NOX4: variants seen among roughly 807,000 people sequenced by gnomAD.
The protein encoded by NOX4 is NADPH oxidase 4.
Under a neutral mutation model 87.6 loss-of-function variants are expected in NOX4, and 69 were observed. The observed-to-expected ratio is 0.79, with a 90% CI of 0.65 to 0.96. The LOEUF (loss-of-function observed/expected upper bound fraction) is 0.96. NOX4 is among the 40% of genes least tolerant of loss of function. The pLI is 0.00. For synonymous variants in NOX4, 275 were observed against 238.2 expected, an observed-to-expected ratio of 1.15 and a Z score of -1.42; for missense variants, 680 against 681.5, an observed-to-expected ratio of 1.00 and a Z score of 0.02.
chr11:89,443,005 A>G (rs948950107), intron 5 of NOX4, among the ~76,000 whole-genome samples: 1 of 152,062 alleles, frequency 6.6e-6, no homozygotes, highest in Non-Finnish European at 1.5e-5. Context: ...CTGGGTCTGA[A>G]ATTACATGTG....
chr11:89,353,274 C>A (rs1162639362), intron 13 of NOX4, among the ~76,000 whole-genome samples: 1 of 152,126 alleles, frequency 6.6e-6, no homozygotes, highest in African/African-American at 2.4e-5. Context: ...ACAGAGAAAT[C>A]TTTTGTAAAA....
chr11:89,551,506 G>T, the NOX4 span, among the ~76,000 whole-genome samples: 1 of 152,134 alleles, frequency 6.6e-6, no homozygotes, highest in Non-Finnish European at 1.5e-5. Flanking sequence ...TCTCCTTGAA[G>T]AGGTCCTTCA....
At chr11:89,462,778 G>A (rs1380552559) in intron 2 of NOX4, among the ~76,000 whole-genome samples, 1 of 151,904 alleles carries the variant, frequency 6.6e-6, no homozygotes, top group African/African-American at 2.4e-5. Flanking sequence ...TTGGACATTA[G>A]CGTAGGTATG....
rs547635509 is a variant in NOX4, at chr11:89,400,079, A to G, written c.1012T>C (p.Tyr338His). ...ACACTGGGACAATGTAGAGTAATATACTAAAAAGCAACAAACAGATAAGTT... is the reference window on the plus strand; with the variant it reads ...ACACTGGGACAATGTAGAGTAATATGCTAAAAAGCAACAAACAGATAAGTT... ...KENFKARPGQ[Y>H]ITLHCPSVSA... is the part of the protein sequence containing the mutation. Residue 338 changes from tyrosine to histidine, a missense_variant and splice_region_variant, in exon 11 of 18, where the codon TAT (tyrosine) becomes CAT (histidine). By Grantham distance (83) the Tyr-to-His change is moderately conservative. Coordinates refer to ENST00000263317, the MANE Select transcript of NOX4 (RefSeq NM_016931.5). 1.6e-5 allele frequency: 26 copies of G among 1,601,924 alleles called. 2 individuals are homozygous for G. In the South Asian group the frequency reaches 2.7e-4, roughly 16 times the overall value.
At chr11:89,378,011 T>C (rs1811161927) in intron 11 of NOX4, among the ~76,000 whole-genome samples, 2 of 152,220 alleles carry the variant, frequency 1.3e-5, no homozygotes, top group Non-Finnish European at 2.9e-5. Flanking sequence ...CTCAAATCTC[T>C]CTGATACCAC....
intron 8 of NOX4, among the ~76,000 whole-genome samples, chr11:89,408,510 C>A (rs1942306856): frequency 1.3e-5 from 2 of 152,142 alleles, no homozygotes; most frequent in Non-Finnish European, 2.9e-5. Context: ...AACTACAGAT[C>A]CAGTGTGCCT....
At chr11:89,460,191 C>A (rs1431236106) in intron 2 of NOX4, among the ~76,000 whole-genome samples, 1 of 152,032 alleles carries the variant, frequency 6.6e-6, no homozygotes, top group Non-Finnish European at 1.5e-5. Flanking sequence ...AATGTCAGAC[C>A]TAAAATCAAA....
the NOX4 span, among the ~76,000 whole-genome samples, chr11:89,579,012 G>T: frequency 1.3e-5 from 2 of 152,120 alleles, no homozygotes; most frequent in African/African-American, 4.8e-5. Context: ...AAAAGACACA[G>T]AACCTTACTT....
At chr11:89,513,165 A>G in the NOX4 span, among the ~76,000 whole-genome samples, 1 of 152,128 alleles carries the variant, frequency 6.6e-6, no homozygotes, top group African/African-American at 2.4e-5. Flanking sequence ...TACTAAAAAT[A>G]CAAAATTAGC....
chr11:89,522,643 A>T, the NOX4 span, among the ~76,000 whole-genome samples: 2 of 152,210 alleles, frequency 1.3e-5, no homozygotes, highest in Non-Finnish European at 2.9e-5. Context: ...AATCCAAAAT[A>T]AAAGTTTAAA....
At chr11:89,439,330 A>C (rs1944357662) in intron 6 of NOX4, among the ~76,000 whole-genome samples, 1 of 151,918 alleles carries the variant, frequency 6.6e-6, no homozygotes, top group South Asian at 2.1e-4. Flanking sequence ...CTAAATGAAA[A>C]CATGTTTTCA....
chr11:89,565,481 T>C, the NOX4 span, among the ~76,000 whole-genome samples: 2 of 152,122 alleles, frequency 1.3e-5, no homozygotes, highest in East Asian at 1.9e-4. Context: ...ATAACTTTTT[T>C]CCTCTTGCCT....
chr11:89,405,371 C>T (rs1433045584), intron 8 of NOX4, among the ~76,000 whole-genome samples: 1 of 152,030 alleles, frequency 6.6e-6, no homozygotes, highest in Non-Finnish European at 1.5e-5. Flanking sequence ...TGTTCAGCTA[C>T]ACTCAAGCTA....
At chr11:89,510,491 A>T in the NOX4 span, among the ~76,000 whole-genome samples, 1 of 152,232 alleles carries the variant, frequency 6.6e-6, no homozygotes, top group South Asian at 2.1e-4. Flanking sequence ...TATTGCTCAG[A>T]TGGGACAGTA....
the NOX4 span, among the ~76,000 whole-genome samples, chr11:89,538,346 G>A: frequency 1.3e-5 from 2 of 152,002 alleles, no homozygotes; most frequent in African/African-American, 4.8e-5. Flanking sequence ...TCCACAATAT[G>A]GTTTTAATTT....
At chr11:89,565,938 G>A in the NOX4 span, among the ~76,000 whole-genome samples, 1 of 151,928 alleles carries the variant, frequency 6.6e-6, no homozygotes, top group Non-Finnish European at 1.5e-5. Flanking sequence ...GCATGGTTGT[G>A]ATAATACTGT....
At chr11:89,447,629 C>T (rs1054995837) in intron 4 of NOX4, among the ~76,000 whole-genome samples, 4 of 152,146 alleles carry the variant, frequency 2.6e-5, no homozygotes, top group African/African-American at 9.7e-5. Flanking sequence ...AGAATGCAAA[C>T]CCTCTGGAAC....
At chr11:89,511,858 G>T in the NOX4 span, among the ~76,000 whole-genome samples, 3 of 151,928 alleles carry the variant, frequency 2.0e-5, no homozygotes, top group Non-Finnish European at 4.4e-5. Flanking sequence ...CACAATACTT[G>T]TTTACAAAAA....
the NOX4 span, among the ~76,000 whole-genome samples, chr11:89,523,352 A>G: frequency 6.6e-6 from 1 of 152,146 alleles, no homozygotes; most frequent in Admixed American, 6.5e-5. Flanking sequence ...TAGCAGGTAT[A>G]CTGATAACTT....
Sources: allele counts gnomAD v4.1 joint callset (sites outside exome capture counted in the v4.1 genomes callset), GRCh38; gene constraint gnomAD v4.1.1; transcripts MANE v1.5; gene names NCBI Gene and HGNC (gene_info 2026-07-23, HGNC 2026-07-21).